The following AATF variants were observed in gnomAD, a reference collection of about 807,000 sequenced individuals.
AATF encodes protein AATF.
A neutral mutation model predicts 63.7 loss-of-function variants in AATF; 48 were observed. That is an observed-to-expected ratio of 0.75 (90% confidence interval 0.60 to 0.96). AATF has a LOEUF of 0.96. AATF is among the 40% of genes least tolerant of loss of function. The pLI, the probability that AATF is intolerant of heterozygous loss-of-function variation, is 0.00. For synonymous variants in AATF, 258 were observed against 247.7 expected, an observed-to-expected ratio of 1.04 and a Z score of -0.39; for missense variants, 639 against 685.7, an observed-to-expected ratio of 0.93 and a Z score of 0.76.
intron 11 of AATF, among the ~76,000 whole-genome samples, chr17:37,046,733 A>C (rs1483546085): frequency 5.8e-4 from 44 of 76,138 alleles, no homozygotes; most frequent in African/African-American, 2.9e-3. Context: ...CTCCCCCAAC[A>C]CACACACACA....
At chr17:36,972,653 T>C (rs1311817538) in intron 4 of AATF, among the ~76,000 whole-genome samples, 1 of 150,498 alleles carries the variant, frequency 6.6e-6, no homozygotes, top group African/African-American at 2.5e-5. Context: ...GCAGTGTCTG[T>C]AAGCTTCTGG....
At chr17:37,049,248 GT>G (rs2071724348) in intron 11 of AATF, among the ~76,000 whole-genome samples, 1 of 152,118 alleles carries the variant, frequency 6.6e-6, no homozygotes, top group South Asian at 2.1e-4. Flanking sequence ...CATTCGCCTT[GT>G]TCTATTTAAC....
rs768484669 is a variant in AATF, at chr17:36,988,567, G to T, written c.996G>T (p.Gln332His). Reference sequence around the variant, plus strand: ...ATGAGCTGGTAGAAGAGAAGAAGCAGCAACGAAGAAGGGTCCCTGCAAAGA... The same window carrying T: ...ATGAGCTGGTAGAAGAGAAGAAGCATCAACGAAGAAGGGTCCCTGCAAAGA... ...EDDELVEEKK[Q>H]QRRRVPAKRK... Residue 332 changes from glutamine (Q) to histidine (H), a missense_variant, in exon 6 of 12, where the codon CAG (glutamine) becomes CAT (histidine). Physicochemically the swap from Gln to His is conservative, Grantham distance 24 (BLOSUM62 0). Coordinates refer to ENST00000619387, the MANE Select transcript of AATF (RefSeq NM_012138.4). The T allele has an allele frequency of 6.2e-7, 1 of 1,614,164 alleles. No homozygotes were observed. Among genetic ancestry groups the T allele is most frequent in the Non-Finnish European group, 8.5e-7 (1 of 1,180,028 alleles).
intron 8 of AATF, chr17:36,998,728 C>T (rs942903844): frequency 1.3e-5 from 2 of 152,032 alleles, no homozygotes; most frequent in African/African-American, 4.8e-5. Context: ...TCTCTAAGAA[C>T]AACAACAAAA....
chr17:36,986,680 A>C lies in AATF; in HGVS notation c.896A>C (p.Gln299Pro). 1 of 1,614,210 alleles carries C rather than the reference A, an allele frequency of 6.2e-7. No individual in the cohort carries two copies. The highest frequency in any genetic ancestry group is 8.5e-7 in the Non-Finnish European group (1 of 1,180,042). Residue 299 changes from glutamine to proline, a missense_variant, in exon 5 of 12, where the codon CAG (glutamine) becomes CCG (proline). Coordinates refer to ENST00000619387, the MANE Select transcript of AATF (RefSeq NM_012138.4). The stretch of plus-strand genomic sequence containing the variant: ...GGTCTTCAGGAAGAGTTGCTTTTCC[A>C]GTACCCAGACACTAGATATCTAGTA... ...LVGLQEELLFQYPDTRYLVDG... is the reference protein window; with the variant it reads ...LVGLQEELLFPYPDTRYLVDG...
At chr17:37,030,040 T>C (rs1043672830) in intron 10 of AATF, among the ~76,000 whole-genome samples, 1 of 151,752 alleles carries the variant, frequency 6.6e-6, no homozygotes, top group African/African-American at 2.4e-5. Context: ...TTTTTTTCAA[T>C]TTTCTGTATT....
At chr17:37,022,587 T>C (rs1043669132) in intron 10 of AATF, among the ~76,000 whole-genome samples, 1 of 152,180 alleles carries the variant, frequency 6.6e-6, no homozygotes, top group Admixed American at 6.5e-5. Flanking sequence ...TTTTTAGAGG[T>C]GAAGAGCATG....
chr17:36,987,281 T>G (rs954856759), intron 5 of AATF, among the ~76,000 whole-genome samples: 3 of 151,914 alleles, frequency 2.0e-5, no homozygotes, highest in Non-Finnish European at 4.4e-5. Flanking sequence ...ATGGGCCACT[T>G]CACCTGGCCA....
intron 4 of AATF, among the ~76,000 whole-genome samples, chr17:36,957,479 A>G (rs1390020132): frequency 2.0e-5 from 3 of 152,240 alleles, no homozygotes; most frequent in African/African-American, 7.2e-5. Context: ...GATTCTTTAT[A>G]TAATTTAAAT....
intron 8 of AATF, among the ~76,000 whole-genome samples, chr17:36,991,711 G>C (rs1190046635): frequency 6.6e-6 from 1 of 150,834 alleles, no homozygotes; most frequent in Non-Finnish European, 1.5e-5. Context: ...TCAGCCTCCC[G>C]AGTAGCTGGG....
chr17:37,009,448 G>A (rs2071368309), intron 8 of AATF, among the ~76,000 whole-genome samples: 1 of 151,618 alleles, frequency 6.6e-6, no homozygotes, highest in African/African-American at 2.4e-5. Flanking sequence ...CCTGGCCCCA[G>A]TTAAATGGTT....
intron 8 of AATF, among the ~76,000 whole-genome samples, chr17:36,996,305 C>T (rs2071254470): frequency 6.6e-6 from 1 of 152,136 alleles, no homozygotes; most frequent in Non-Finnish European, 1.5e-5. Context: ...TGTGATGGCA[C>T]TTGCCTGTAA....
intron 8 of AATF, among the ~76,000 whole-genome samples, chr17:37,001,143 A>AC (rs1441650503): frequency 3.3e-5 from 5 of 151,732 alleles, no homozygotes; most frequent in African/African-American, 1.2e-4. Context: ...ACATAGGGAG[A>AC]CCCCGTCTCT....
chr17:36,993,945 C>G (rs2071234853), intron 8 of AATF, among the ~76,000 whole-genome samples: 1 of 152,014 alleles, frequency 6.6e-6, no homozygotes, highest in South Asian at 2.1e-4. Flanking sequence ...TCTTAATGGG[C>G]TTTAAGTTAC....
chr17:36,979,822 T>G (rs559487407), intron 4 of AATF, among the ~76,000 whole-genome samples: 2 of 152,332 alleles, frequency 1.3e-5, no homozygotes, highest in South Asian at 4.1e-4. Context: ...CAGTTTTGTT[T>G]ATGTTGGACA....
Position 36,949,227 on chromosome 17 carries a change from A to G in AATF, c.91+11A>G. On this transcript the variant is annotated intron_variant, in intron 1 of 11. Transcript: ENST00000619387. ...CGGACCCCGAGGAAGGTGAGGCCGG[A>G]CTGGGGCAGGCCACGTGCGGAGCGG... is the stretch of plus-strand genomic sequence containing the variant. 1.9e-6 allele frequency: 3 copies of G among 1,581,450 alleles called. No individual in the cohort carries two copies. The highest frequency in any genetic ancestry group is 2.6e-6 in the Non-Finnish European group (3 of 1,165,460).
At chr17:37,052,044 G>A (rs947500991) in intron 11 of AATF, among the ~76,000 whole-genome samples, 1 of 151,046 alleles carries the variant, frequency 6.6e-6, no homozygotes, top group East Asian at 1.9e-4. Context: ...TCCGCAGGCT[G>A]CTCCCCTGCA....
chr17:36,962,083 C>T (rs772294061), intron 4 of AATF, among the ~76,000 whole-genome samples: 3 of 152,194 alleles, frequency 2.0e-5, no homozygotes, highest in South Asian at 2.1e-4. Context: ...TCCTACACTC[C>T]TGCCTCCACT....
intron 4 of AATF, among the ~76,000 whole-genome samples, chr17:36,963,195 C>T (rs572112604): frequency 6.6e-6 from 1 of 152,306 alleles, no homozygotes; most frequent in Admixed American, 6.5e-5. Flanking sequence ...CCACTTTATT[C>T]AGTGAGCGTA....
Sources: allele counts gnomAD v4.1 joint callset (sites outside exome capture counted in the v4.1 genomes callset), GRCh38; gene constraint gnomAD v4.1.1; transcripts MANE v1.5; gene names NCBI Gene and HGNC (gene_info 2026-07-23, HGNC 2026-07-21).